Variants in AGO2 observed in about 807,000 individuals in gnomAD.
The protein encoded by AGO2 is argonaute RISC catalytic component 2, also known as protein argonaute-2.
AGO2 carries 5 observed loss-of-function variants against 102.3 expected under a neutral mutation model. That is an observed-to-expected ratio of 0.05 (90% CI 0.03 to 0.10). The LOEUF is 0.10. AGO2 is among the 10% of genes least tolerant of loss of function. The pLI, the probability that AGO2 is intolerant of heterozygous loss-of-function variation, is 1.00. For missense variants in AGO2, 541 were observed against 1,183.7 expected, an observed-to-expected ratio of 0.46 and a Z score of 7.97; for synonymous variants, 449 against 473.1, an observed-to-expected ratio of 0.95 and a Z score of 0.66.
chr8:140,582,523 G>A (rs1459938575), intron 2 of AGO2, among the ~76,000 whole-genome samples: 1 of 152,138 alleles, frequency 6.6e-6, no homozygotes, highest in Non-Finnish European at 1.5e-5. Flanking sequence ...TTTTCAGTAA[G>A]GGATACTCAA....
At chr8:140,610,132 G>A (rs1324411257) in intron 1 of AGO2, among the ~76,000 whole-genome samples, 1 of 151,944 alleles carries the variant, frequency 6.6e-6, no homozygotes, top group East Asian at 1.9e-4. Context: ...TTGAGCCAGG[G>A]ATGTTGAGGC....
At position 140,520,167 on chromosome 8, in the gene AGO2, G is replaced by A. The variant is rs2072391947; in HGVS notation, c.*11877C>T. 1 of 152,094 alleles carries A rather than the reference G, an allele frequency of 6.6e-6. No individual in the cohort carries two copies. The highest frequency in any genetic ancestry group is 1.5e-5 in the Non-Finnish European group (1 of 68,010). 9.4% of individuals were successfully genotyped at this position (152,094 alleles called of 1,614,324 possible). On this transcript the variant is annotated 3_prime_UTR_variant, in exon 19 of 19. Coordinates refer to ENST00000220592, the MANE Select transcript of AGO2 (RefSeq NM_012154.5). ...TTGGAAGAGGCAGCTGTAAATAGGA[G>A]GACTTTTATTTAATTTTTTGCTGAC...
Position 140,585,255 on chromosome 8 carries a change from G to C in AGO2, c.79C>G (p.Pro27Ala). The C allele has an allele frequency of 6.2e-7, 1 of 1,614,198 alleles. No homozygotes were observed. The change falls in exon 2 of 19, where the codon CCT (proline) becomes GCT (alanine). Residue 27 changes from proline to alanine, a missense_variant. Pro to Ala is a conservative substitution (Grantham distance 27). Transcript: ENST00000220592. Reference protein sequence around the residue: ...PIQGYAFKPPPRPDFGTSGRT... With the variant: ...PIQGYAFKPPARPDFGTSGRT... Reference sequence around the variant, plus strand: ...CCGGAGGTCCCAAAGTCGGGTCTAGGTGGAGGCTTGAAGGCATATCCTTGG... The same window carrying C: ...CCGGAGGTCCCAAAGTCGGGTCTAGCTGGAGGCTTGAAGGCATATCCTTGG...
intron 1 of AGO2, among the ~76,000 whole-genome samples, chr8:140,603,526 C>T (rs1489503191): frequency 2.6e-5 from 4 of 152,250 alleles, no homozygotes; most frequent in African/African-American, 9.6e-5. Flanking sequence ...TAAGCCATCA[C>T]ACCCCGTTTC....
intron 1 of AGO2, among the ~76,000 whole-genome samples, chr8:140,617,209 C>T (rs2074152071): frequency 1.3e-5 from 2 of 152,154 alleles, no homozygotes; most frequent in Admixed American, 1.3e-4. Flanking sequence ...GTACACCAGG[C>T]TCTCGGGCGC....
intron 1 of AGO2, among the ~76,000 whole-genome samples, chr8:140,601,232 G>T (rs2073928409): frequency 6.6e-6 from 1 of 152,222 alleles, no homozygotes; most frequent in African/African-American, 2.4e-5. Context: ...TGCACTTCCT[G>T]TCTACTCTTT....
At chr8:140,568,286 G>GAAAAAAA (rs2073323121) in intron 3 of AGO2, among the ~76,000 whole-genome samples, 2 of 34,324 alleles carry the variant, frequency 5.8e-5, no homozygotes, top group African/African-American at 4.3e-4. Flanking sequence ...CATGTCTGGG[G>GAAAAAAA]GAAAAAAAAA....
intron 1 of AGO2, among the ~76,000 whole-genome samples, chr8:140,595,291 G>A (rs960374992): frequency 6.6e-6 from 1 of 152,094 alleles, no homozygotes; most frequent in Non-Finnish European, 1.5e-5. Context: ...AATGGTGTTT[G>A]ATGCAATCCC....
In AGO2 at chr8:140,597,482, C is replaced by G. The variant is rs997062268; in HGVS notation, c.23-12171G>C. 4.5e-4 allele frequency among the ~76,000 whole-genome samples: 64 copies of G among 142,024 alleles called. 12 individuals carry two copies. Among genetic ancestry groups the G allele is most frequent in the Non-Finnish European group, 8.5e-4 (54 of 63,372 alleles). 93.2% of individuals were successfully genotyped at this position (142,024 alleles called of 152,430 possible). Reference sequence around the variant, plus strand: ...GGCTGGGTGGCCCCCCCACCCCCCCCCCCCCGCCCCAGGCCTCCCTGCCTG... The same window carrying G: ...GGCTGGGTGGCCCCCCCACCCCCCCGCCCCCGCCCCAGGCCTCCCTGCCTG... On this transcript the variant is annotated intron_variant, in intron 1 of 18. Coordinates refer to ENST00000220592, the MANE Select transcript of AGO2 (RefSeq NM_012154.5).
intron 1 of AGO2, among the ~76,000 whole-genome samples, chr8:140,628,167 C>G (rs774183122): frequency 6.6e-6 from 1 of 152,372 alleles, no homozygotes; most frequent in East Asian, 1.9e-4. Flanking sequence ...CCTGCTCCCC[C>G]GGCCGCAGCG....
chr8:140,595,821 T>TTATATACAATTGTATATACAA lies in AGO2; in HGVS notation c.23-10511_23-10510insTTGTATATACAATTGTATATA, dbSNP rs1564106831. ...ATTATATACAATTGTATATATTATA[T>TTATATACAATTGTATATACAA]TTATATTATATACAATTGTATATAT... On this transcript the variant is annotated intron_variant, in intron 1 of 18. Coordinates refer to ENST00000220592, the MANE Select transcript of AGO2 (RefSeq NM_012154.5). 3.5e-3 allele frequency among the ~76,000 whole-genome samples: 141 copies of TTATATACAATTGTATATACAA among 40,646 alleles called. 7 individuals carry two copies. Among genetic ancestry groups the TTATATACAATTGTATATACAA allele is most frequent in the South Asian group, 5.8e-3 (11 of 1,902 alleles). 26.7% of individuals were successfully genotyped at this position (40,646 alleles called of 152,430 possible). A position where few individuals can be genotyped will look rare whatever the true frequency, so the allele number is the denominator to read the frequency against.
intron 1 of AGO2, among the ~76,000 whole-genome samples, chr8:140,615,162 G>A (rs1401632933): frequency 6.6e-6 from 1 of 152,158 alleles, no homozygotes; most frequent in Non-Finnish European, 1.5e-5. Flanking sequence ...GAGATGGGAG[G>A]ATCCCTTGTG....
intron 1 of AGO2, among the ~76,000 whole-genome samples, chr8:140,612,116 G>A (rs551843522): frequency 6.6e-6 from 1 of 151,530 alleles, no homozygotes; most frequent in Non-Finnish European, 1.5e-5. Flanking sequence ...CCAGCTACTC[G>A]GGAGGCTGAG....
chr8:140,538,267 T>C (rs1206373628), intron 16 of AGO2, among the ~76,000 whole-genome samples: 2 of 152,230 alleles, frequency 1.3e-5, no homozygotes, highest in Admixed American at 1.3e-4. Flanking sequence ...TGAAGTATTC[T>C]TTCCTGGGTG....
intron 3 of AGO2, among the ~76,000 whole-genome samples, chr8:140,564,800 G>T (rs1385795740): frequency 6.6e-6 from 1 of 151,886 alleles, no homozygotes. Flanking sequence ...AAAACTAGCT[G>T]TAACAATATC....
At chr8:140,542,338 C>A (rs951296461) in intron 14 of AGO2, among the ~76,000 whole-genome samples, 1 of 152,218 alleles carries the variant, frequency 6.6e-6, no homozygotes, top group African/African-American at 2.4e-5. Context: ...CCTCCTTCTT[C>A]GTAAATCCTT....
chr8:140,638,381 C>T (rs557601045), upstream of AGO2: 59 of 152,334 alleles, frequency 3.9e-4, no homozygotes, highest in African/African-American at 1.3e-3. Flanking sequence ...TGCAGGCCTT[C>T]TCAGAGCCTG....
chr8:140,572,929 T>G lies in AGO2; in HGVS notation c.219A>C (p.Glu73Asp). ...PEKCPRRVNR[E>D]IVEHMVQHFK... ...AGTGCTGGACCATGTGTTCCACGAT[T>G]TCCCTGAAACAAAGACAAAAGTCGG... Residue 73 changes from glutamate to aspartate, a missense_variant, in exon 3 of 19, where the codon GAA (glutamate) becomes GAC (aspartate). Glu to Asp is a conservative substitution (Grantham distance 45, BLOSUM62 2). Transcript: ENST00000220592. 6.2e-7 allele frequency: 1 copy of G among 1,607,092 alleles called. No homozygotes were observed. The highest frequency in any genetic ancestry group is 1.3e-5 in the African/African-American group (1 of 74,770).
chr8:140,561,572 A>G (rs932333921), intron 4 of AGO2, among the ~76,000 whole-genome samples: 4 of 152,182 alleles, frequency 2.6e-5, no homozygotes, highest in African/African-American at 9.7e-5. Flanking sequence ...GACAGATTAC[A>G]CGTGGGGGAA....
Sources: gnomAD v4.1 joint callset for allele counts (sites outside exome capture counted in the v4.1 genomes callset) on GRCh38, gnomAD v4.1.1 for gene constraint, MANE v1.5 for transcripts, NCBI Gene and HGNC (gene_info 2026-07-23, HGNC 2026-07-21) for gene names.